ISOC1: variants seen among roughly 807,000 people sequenced by gnomAD.
ISOC1 encodes the protein isochorismatase domain-containing protein 1.
A neutral mutation model predicts 30.0 loss-of-function variants in ISOC1; 33 were observed. The ratio of observed to expected loss-of-function variants is 1.10; its 90% CI spans 0.83 to 1.47. The LOEUF is 1.47. ISOC1 is among the 40% of genes most tolerant of loss of function. The probability of loss-of-function intolerance (pLI) is 0.00; values close to 1 mark genes in which losing one functional copy is unlikely to be tolerated. For missense variants in ISOC1, 372 were observed against 388.0 expected (o/e 0.96, Z 0.35); for synonymous variants, 178 against 159.8 (o/e 1.11, Z -0.86).
At chr5:129,100,548 G>C (rs954097034) in intron 1 of ISOC1, among the ~76,000 whole-genome samples, 1 of 152,174 alleles carries the variant, frequency 6.6e-6, no homozygotes, top group Non-Finnish European at 1.5e-5. Flanking sequence ...GCATAGATCT[G>C]TAATTGCTAT....
intron 1 of ISOC1, among the ~76,000 whole-genome samples, chr5:129,096,155 G>A (rs1162380543): frequency 6.6e-6 from 1 of 152,022 alleles, no homozygotes; most frequent in African/African-American, 2.4e-5. Context: ...ATCAAATCAG[G>A]GTAATTGGAA....
intron 1 of ISOC1, among the ~76,000 whole-genome samples, chr5:129,097,930 G>C (rs151007202): frequency 8.5e-5 from 13 of 152,168 alleles, no homozygotes; most frequent in Admixed American, 2.0e-4. Flanking sequence ...GTGGCCTATC[G>C]GTGAGTCCAT....
At chr5:129,097,239 GTTATAC>G (rs1753514218) in intron 1 of ISOC1, among the ~76,000 whole-genome samples, 1 of 151,780 alleles carries the variant, frequency 6.6e-6, no homozygotes, top group Non-Finnish European at 1.5e-5. Context: ...CATTTTAGTA[GTTATAC>G]TTTGACTTCT....
chr5:129,111,518 A>G (rs555538178), intron 4 of ISOC1, among the ~76,000 whole-genome samples: 1 of 152,310 alleles, frequency 6.6e-6, no homozygotes, highest in South Asian at 2.1e-4. Context: ...TGGCTATGCA[A>G]GGGCTTCCTG....
intron 4 of ISOC1, among the ~76,000 whole-genome samples, chr5:129,112,271 C>T (rs941864393): frequency 4.6e-5 from 7 of 151,958 alleles, no homozygotes; most frequent in African/African-American, 1.5e-4. Context: ...GCCAGGGGTG[C>T]CAGGCATAAG....
At chr5:129,109,467 G>A (rs562669374) in intron 4 of ISOC1, among the ~76,000 whole-genome samples, 5 of 152,148 alleles carry the variant, frequency 3.3e-5, no homozygotes, top group Admixed American at 6.5e-5. Context: ...TTGTCTTCAC[G>A]TGGTTAGTCA....
intron 1 of ISOC1, chr5:129,097,837 A>C (rs995752007): frequency 6.5e-5 from 10 of 153,192 alleles, no homozygotes; most frequent in Admixed American, 5.9e-4. Context: ...ACAAGTCACA[A>C]ACTTGAGCTC....
chr5:129,100,351 A>G (rs1418733428), intron 1 of ISOC1, among the ~76,000 whole-genome samples: 2 of 152,166 alleles, frequency 1.3e-5, no homozygotes, highest in African/African-American at 4.8e-5. Flanking sequence ...TTATACTTGA[A>G]TCTGATCTCT....
At chr5:129,102,899 A>T (rs760579286) in intron 1 of ISOC1, among the ~76,000 whole-genome samples, 1 of 152,244 alleles carries the variant, frequency 6.6e-6, no homozygotes, top group Non-Finnish European at 1.5e-5. Flanking sequence ...TCAATACAGT[A>T]TAAAATAGGA....
Position 129,107,073 on chromosome 5 carries a change from T to G in ISOC1, c.750+11T>G, listed in dbSNP as rs753580511. The G allele has an allele frequency of 9.5e-6, 15 of 1,586,028 alleles. No homozygotes were observed. The African/African-American group carries it at 2.0e-4, about 21-fold the overall frequency. On this transcript the variant is annotated intron_variant, in intron 4 of 4. Coordinates refer to ENST00000173527, the MANE Select transcript of ISOC1 (RefSeq NM_016048.2). ...ATGTTTGCCCTCGAGGTAATTGTCCTGCTTGGGAATAGATCATTTGTCAAG... is the reference window on the plus strand; with the variant it reads ...ATGTTTGCCCTCGAGGTAATTGTCCGGCTTGGGAATAGATCATTTGTCAAG...
At chr5:129,100,968 T>C (rs955262627) in intron 1 of ISOC1, among the ~76,000 whole-genome samples, 12 of 150,724 alleles carry the variant, frequency 8.0e-5, no homozygotes, top group African/African-American at 2.4e-4. Context: ...AATAAAGTTG[T>C]AAAGATAGTA....
intron 4 of ISOC1, among the ~76,000 whole-genome samples, chr5:129,111,296 T>A (rs78954268): frequency 0.035 from 5,309 of 152,168 alleles, 189 homozygotes; most frequent in African/African-American, 0.096. Context: ...TTGTTTTTTT[T>A]AAAAAATTGC....
Position 129,105,245 on chromosome 5 carries a change from C to A in ISOC1, c.490C>A (p.Leu164Ile). Residue 164 changes from leucine (L) to isoleucine (I), a missense_variant, in exon 3 of 5, where the codon CTT (leucine) becomes ATT (isoleucine). Physicochemically the swap from Leu to Ile is conservative, Grantham distance 5 (BLOSUM62 2). Coordinates refer to ENST00000173527, the MANE Select transcript of ISOC1 (RefSeq NM_016048.2). The part of the protein sequence containing the change: ...VIVTEQYPKG[L>I]GSTVQEIDLT... The stretch of plus-strand genomic sequence containing the variant: ...TGTAACAGAACAATACCCTAAAGGT[C>A]TTGGGAGCACGGTTCAAGAAATTGA... 1 of 1,613,606 alleles carries A rather than the reference C, an allele frequency of 6.2e-7. No individual in the cohort carries two copies. The highest frequency in any genetic ancestry group is 1.7e-5 in the Admixed American group (1 of 59,964).
rs975031757 is a variant in ISOC1, at chr5:129,113,195, C to T, written c.*194C>T. 1.1e-4 allele frequency: 50 copies of T among 459,042 alleles called. No individual in the cohort carries two copies. The highest frequency in any genetic ancestry group is 7.6e-6 in the Non-Finnish European group (2 of 261,558). The allele number at this position is 459,042 out of a possible 1,614,324, so 28.4% of individuals were successfully genotyped here. A position where few individuals can be genotyped will look rare whatever the true frequency, so the allele number is the denominator to read the frequency against. On this transcript the variant is annotated 3_prime_UTR_variant, in exon 5 of 5. Transcript: ENST00000173527. ...AGCATTTAGTTACAAACGTCAAAGGCTTCCGGTGCTGCTTACCTTCCTTTT... is the reference window on the plus strand; with the variant it reads ...AGCATTTAGTTACAAACGTCAAAGGTTTCCGGTGCTGCTTACCTTCCTTTT...
intron 4 of ISOC1, among the ~76,000 whole-genome samples, chr5:129,111,567 C>T (rs985497045): frequency 2.0e-5 from 3 of 151,292 alleles, no homozygotes; most frequent in Non-Finnish European, 4.4e-5. Flanking sequence ...TGTTTCCAAC[C>T]ACTTCCTCTT....
intron 1 of ISOC1, among the ~76,000 whole-genome samples, chr5:129,097,417 A>G (rs1753516869): frequency 6.6e-6 from 1 of 152,132 alleles, no homozygotes; most frequent in Non-Finnish European, 1.5e-5. Context: ...ATATGTGTGT[A>G]TAATCTCAGA....
chr5:129,095,053 G>T lies in ISOC1; in HGVS notation c.287G>T (p.Arg96Leu), dbSNP rs1303084385. 1.3e-6 allele frequency: 2 copies of T among 1,583,556 alleles called. No individual in the cohort carries two copies. The highest frequency in any genetic ancestry group is 2.3e-5 in the South Asian group (2 of 88,370). ...GFAVSERCKVRLVPLQIQLTT... is the reference protein window; with the variant it reads ...GFAVSERCKVLLVPLQIQLTT... ...GCGGTGAGCGAGCGCTGCAAGGTGCGCCTCGTGCCGTTGCAGATCCAGGTG... is the reference window on the plus strand; with the variant it reads ...GCGGTGAGCGAGCGCTGCAAGGTGCTCCTCGTGCCGTTGCAGATCCAGGTG... The change falls in exon 1 of 5, where the codon CGC becomes CTC. Residue 96 changes from arginine to leucine, a missense_variant. Transcript: ENST00000173527.
Position 129,094,919 on chromosome 5 carries a change from C to A in ISOC1, c.153C>A (p.Ile51=), listed in dbSNP as rs372187726. 1.6e-5 allele frequency: 25 copies of A among 1,612,176 alleles called. No homozygotes were observed. In the African/African-American group the frequency reaches 3.3e-4, roughly 22 times the overall value. ...ACGGGGCGGGCTACGAGCTGCTCAT[C>A]CAGAAGTTCCTCAGCCTGTACGGCG... ...VPHGAGYELL[I]QKFLSLYGDQ... Residue 51 remains isoleucine (I), a synonymous_variant, in exon 1 of 5, where the codon ATC becomes ATA. Coordinates refer to ENST00000173527, the MANE Select transcript of ISOC1 (RefSeq NM_016048.2).
chr5:129,102,521 G>A (rs1438930140), intron 1 of ISOC1, among the ~76,000 whole-genome samples: 5 of 152,134 alleles, frequency 3.3e-5, no homozygotes. Flanking sequence ...CTGGATATTA[G>A]GATTCCTGGG....
Sources: gnomAD v4.1 joint callset for allele counts (sites outside exome capture counted in the v4.1 genomes callset) on GRCh38, gnomAD v4.1.1 for gene constraint, MANE v1.5 for transcripts, NCBI Gene and HGNC (gene_info 2026-07-23, HGNC 2026-07-21) for gene names.